COL15A1: variants seen among roughly 807,000 people sequenced by gnomAD.
The protein encoded by COL15A1 is collagen alpha-1(XV) chain.
Under a neutral mutation model 165.9 loss-of-function variants are expected in COL15A1, and 111 were observed. The observed-to-expected ratio is 0.67, with a 90% CI of 0.57 to 0.78. The LOEUF (loss-of-function observed/expected upper bound fraction) is 0.78. COL15A1 is among the 30% of genes least tolerant of loss of function. The probability of loss-of-function intolerance (pLI) is 0.00; values close to 1 mark genes in which losing one functional copy is unlikely to be tolerated. For synonymous variants in COL15A1, 659 were observed against 674.8 expected (o/e 0.98, Z 0.36); for missense variants, 1,745 against 1,789.7 (o/e 0.98, Z 0.45).
chr9:98,963,850 C>T lies in COL15A1; in HGVS notation c.100+19600C>T, dbSNP rs960402321. Among the ~76,000 whole-genome samples the T allele has an allele frequency of 5.9e-5, 9 of 152,196 alleles. No individual in the cohort carries two copies. In the East Asian group the frequency reaches 1.3e-3, roughly 23 times the overall value. On this transcript the variant is annotated intron_variant, in intron 2 of 41. Coordinates refer to ENST00000375001, the MANE Select transcript of COL15A1 (RefSeq NM_001855.5). ...CATCCCACAAAGTTAAGGTCATGCC[C>T]ATCCCGTTCACCCCAAATCTCCATG...
At chr9:98,956,742 T>C (rs1366456465) in intron 2 of COL15A1, among the ~76,000 whole-genome samples, 2 of 152,230 alleles carry the variant, frequency 1.3e-5, no homozygotes, top group Non-Finnish European at 2.9e-5. Context: ...TCTTGCTACG[T>C]GTGGTCCATG....
intron 35 of COL15A1, among the ~76,000 whole-genome samples, chr9:99,058,931 C>CCTTAATTCTG (rs1431042903): frequency 6.6e-6 from 1 of 151,938 alleles, no homozygotes; most frequent in Admixed American, 6.5e-5. Flanking sequence ...GTAAAAACAC[C>CCTTAATTCTG]CTTAATTCTG....
chr9:99,048,251 T>C (rs1325868839), intron 28 of COL15A1, among the ~76,000 whole-genome samples: 1 of 152,130 alleles, frequency 6.6e-6, no homozygotes, highest in Non-Finnish European at 1.5e-5. Flanking sequence ...GAGAAAGGGA[T>C]CTGGTCATGC....
At chr9:98,961,403 A>G (rs1230426488) in intron 2 of COL15A1, among the ~76,000 whole-genome samples, 1 of 152,222 alleles carries the variant, frequency 6.6e-6, no homozygotes, top group Non-Finnish European at 1.5e-5. Flanking sequence ...CCAGGGTGTC[A>G]GGAGAGTCTC....
chr9:98,976,355 T>C (rs781261145), intron 2 of COL15A1, among the ~76,000 whole-genome samples: 2 of 152,182 alleles, frequency 1.3e-5, no homozygotes, highest in Non-Finnish European at 2.9e-5. Context: ...TGAGAGTCTA[T>C]CTGGTCTAAC....
chr9:98,955,339 T>C (rs931208930), intron 2 of COL15A1, among the ~76,000 whole-genome samples: 4 of 152,262 alleles, frequency 2.6e-5, no homozygotes, highest in Non-Finnish European at 5.9e-5. Flanking sequence ...ATCAGTTCAA[T>C]GCCTCCTTAC....
intron 14 of COL15A1, among the ~76,000 whole-genome samples, chr9:99,024,163 G>A (rs894947407): frequency 3.3e-5 from 5 of 152,130 alleles, no homozygotes; most frequent in African/African-American, 1.2e-4. Flanking sequence ...TGGAATGGGA[G>A]CCAAATGAAT....
intron 7 of COL15A1, 81 bp downstream of exon 7, chr9:99,001,032 G>T: frequency 1.3e-6 from 1 of 747,968 alleles, no homozygotes. Context: ...ATTTTACTGA[G>T]CACCAGAGAG....
rs755380230 is a variant in COL15A1, at chr9:98,985,747, G to A, written c.283G>A (p.Val95Ile). The change falls in exon 3 of 42, where the codon GTC becomes ATC. Residue 95 changes from valine (V) to isoleucine (I), a missense_variant. Transcript: ENST00000375001. ...STFFRDFAIS[V>I]VVKPSSTRGG... is the part of the protein sequence containing the mutation. Reference sequence around the variant, plus strand: ...CTTCTTCAGGGACTTCGCCATCAGCGTCGTGGTGAAGCCCAGCAGCACCCG... The same window carrying A: ...CTTCTTCAGGGACTTCGCCATCAGCATCGTGGTGAAGCCCAGCAGCACCCG... 1.8e-5 allele frequency: 29 copies of A among 1,614,052 alleles called. No homozygotes were observed. The highest frequency in any genetic ancestry group is 6.6e-5 in the South Asian group (6 of 91,090).
chr9:98,960,890 G>A (rs974568800), intron 2 of COL15A1, among the ~76,000 whole-genome samples: 2 of 152,178 alleles, frequency 1.3e-5, no homozygotes, highest in Non-Finnish European at 2.9e-5. Flanking sequence ...TCCATCAGAG[G>A]TGAGAACTCA....
intron 26 of COL15A1, among the ~76,000 whole-genome samples, chr9:99,046,184 A>G (rs539571966): frequency 9.7e-4 from 148 of 152,350 alleles, no homozygotes; most frequent in African/African-American, 3.4e-3. Context: ...TGCCAAACAC[A>G]GGCAGTAAGT....
rs1190058147 is a variant in COL15A1 at position 99,038,155 on chromosome 9, G to A, written c.2410-513G>A. On this transcript the variant is annotated intron_variant, in intron 21 of 41. Transcript: ENST00000375001. ...TTAAAAATCAAATATGTGTAAGGGTGTGGGGAAAAAGGTAATCTCATGTGC... is the reference window on the plus strand; with the variant it reads ...TTAAAAATCAAATATGTGTAAGGGTATGGGGAAAAAGGTAATCTCATGTGC... Among the ~76,000 whole-genome samples, 3 of 152,260 alleles carry A rather than the reference G, an allele frequency of 2.0e-5. No individual in the cohort carries two copies. The South Asian group carries it at 6.2e-4, about 32-fold the overall frequency.
At chr9:99,002,341 T>C (rs1838673998) in intron 7 of COL15A1, among the ~76,000 whole-genome samples, 2 of 152,082 alleles carry the variant, frequency 1.3e-5, no homozygotes, top group African/African-American at 4.8e-5. Context: ...CACCAGTCCC[T>C]GAGCCTCCCA....
chr9:99,059,951 C>A lies in COL15A1; in HGVS notation c.3400C>A (p.Leu1134Met). 3 of 1,613,928 alleles carry A rather than the reference C, an allele frequency of 1.9e-6. No homozygotes were observed. The highest frequency in any genetic ancestry group is 2.5e-6 in the Non-Finnish European group (3 of 1,179,920). The change falls in exon 36 of 42, where the codon CTG (leucine) becomes ATG (methionine). Residue 1134 changes from leucine (L) to methionine (M), a missense_variant and splice_region_variant. Coordinates refer to ENST00000375001, the MANE Select transcript of COL15A1 (RefSeq NM_001855.5). Reference protein sequence around the residue: ...GQPGLPGSRNLVTAFSNMDDM... With the variant: ...GQPGLPGSRNMVTAFSNMDDM... ...GCCAGGGCTTCCCGGATCCAGAAAC[C>A]TGGTCAGTATTATCATCAGTGTGTA...
rs369174893 is a variant in COL15A1 at position 98,944,373 on chromosome 9, T to C, written c.100+123T>C. On this transcript the variant is annotated intron_variant, in intron 2 of 41. Coordinates refer to ENST00000375001, the MANE Select transcript of COL15A1 (RefSeq NM_001855.5). ...TGGACATAAAAGGGAGTCTTGCCAC[T>C]CAGTGCGCACTGGCGGTCCCGCGGG... The C allele has an allele frequency of 8.6e-5, 86 of 999,250 alleles. No homozygotes were observed. In the South Asian group the frequency reaches 1.1e-3, roughly 13 times the overall value. The allele number at this position is 999,250 out of a possible 1,614,324, so 61.9% of individuals were successfully genotyped here.
In COL15A1 at chr9:98,997,366, T is replaced by C. The variant is rs150272895; in HGVS notation, c.952+285T>C. The stretch of plus-strand genomic sequence containing the variant: ...AGATCTGGAGCTTCTAACTCCCAGA[T>C]TCTATTCCTTCTGGGGTTTAACAGA... On this transcript the variant is annotated intron_variant, in intron 6 of 41. Transcript: ENST00000375001. Among the ~76,000 whole-genome samples, 6 of 152,320 alleles carry C rather than the reference T, an allele frequency of 3.9e-5. No individual in the cohort carries two copies. In the East Asian group the frequency reaches 1.2e-3, roughly 29 times the overall value.
intron 5 of COL15A1, among the ~76,000 whole-genome samples, chr9:98,991,409 A>G (rs1421448365): frequency 6.6e-6 from 1 of 152,238 alleles, no homozygotes; most frequent in East Asian, 1.9e-4. Context: ...AGCTAGACAC[A>G]GAGTGCTGAT....
At chr9:98,992,511 G>T (rs974735748) in intron 5 of COL15A1, among the ~76,000 whole-genome samples, 1 of 152,220 alleles carries the variant, frequency 6.6e-6, no homozygotes, top group African/African-American at 2.4e-5. Flanking sequence ...CACAAGCAGA[G>T]GGAGCCGGCT....
intron 35 of COL15A1, among the ~76,000 whole-genome samples, chr9:99,057,452 AT>A (rs1474845289): frequency 6.6e-6 from 1 of 152,230 alleles, no homozygotes; most frequent in African/African-American, 2.4e-5. Context: ...ACCTCCTCAT[AT>A]GCAAAACTGG....
Sources: allele counts gnomAD v4.1 joint callset (sites outside exome capture counted in the v4.1 genomes callset), GRCh38; gene constraint gnomAD v4.1.1; transcripts MANE v1.5; gene names NCBI Gene and HGNC (gene_info 2026-07-23, HGNC 2026-07-21).